SOAT1: variants seen among roughly 807,000 people sequenced by gnomAD.
SOAT1 encodes the protein acyl-coenzyme A:cholesterol acyltransferase 1.
Under a neutral mutation model 69.5 loss-of-function variants are expected in SOAT1, and 55 were observed. That is an observed-to-expected ratio of 0.79 (90% CI 0.64 to 0.99). The LOEUF (loss-of-function observed/expected upper bound fraction) is 0.99, where lower values mean the gene tolerates loss of function less well. SOAT1 is among the 50% of genes least tolerant of loss of function. The pLI, the probability that SOAT1 is intolerant of heterozygous loss-of-function variation, is 0.00. For missense variants in SOAT1, 580 were observed against 669.3 expected, an observed-to-expected ratio of 0.87 and a Z score of 1.47; for synonymous variants, 231 against 224.7, an observed-to-expected ratio of 1.03 and a Z score of -0.25.
At chr1:179,349,484 C>T (rs959054821) in intron 13 of SOAT1, among the ~76,000 whole-genome samples, 9 of 151,882 alleles carry the variant, frequency 5.9e-5, no homozygotes, top group African/African-American at 1.9e-4. Context: ...TGCACCACCA[C>T]GCCCAGCTAA....
At chr1:179,303,708 T>C (rs906098624) in intron 2 of SOAT1, among the ~76,000 whole-genome samples, 19 of 152,232 alleles carry the variant, frequency 1.2e-4, no homozygotes, top group African/African-American at 4.3e-4. Context: ...GTTAGCTATA[T>C]ATGACATATT....
chr1:179,302,389 A>G (rs1432763601), intron 1 of SOAT1, among the ~76,000 whole-genome samples: 1 of 152,184 alleles, frequency 6.6e-6, no homozygotes, highest in Non-Finnish European at 1.5e-5. Context: ...TGATTGGATC[A>G]TGGGGGCAGT....
rs183387311 is a variant in SOAT1 at position 179,306,225 on chromosome 1, A to G, written c.118+3423A>G. On this transcript the variant is annotated intron_variant, in intron 2 of 15. Coordinates refer to ENST00000367619, the MANE Select transcript of SOAT1 (RefSeq NM_003101.6). Reference sequence around the variant, plus strand: ...AAGTAAGTAAGAAGATAAGGCTCCAACAGCCTCTCAGTGCCCAGCCAACTG... The same window carrying G: ...AAGTAAGTAAGAAGATAAGGCTCCAGCAGCCTCTCAGTGCCCAGCCAACTG... Among the ~76,000 whole-genome samples the G allele has an allele frequency of 1.3e-3, 195 of 152,312 alleles. 1 individual carries two copies. Among genetic ancestry groups the G allele is most frequent in the African/African-American group, 4.3e-3 (177 of 41,570 alleles).
chr1:179,331,991 T>C lies in SOAT1; in HGVS notation c.178-3515T>C, dbSNP rs560263797. ...AAAACCATTTATGAAGAAATTGTGA[T>C]CAAGGGACCTACTTTTTTTTTGAGA... On this transcript the variant is annotated intron_variant, in intron 3 of 15. Coordinates refer to ENST00000367619, the MANE Select transcript of SOAT1 (RefSeq NM_003101.6). Among the ~76,000 whole-genome samples the C allele has an allele frequency of 1.1e-4, 17 of 152,364 alleles. 1 individual carries two copies. The East Asian group carries it at 3.3e-3, about 29-fold the overall frequency.
Position 179,311,845 on chromosome 1 carries a change from T to G in SOAT1, c.118+9043T>G, listed in dbSNP as rs76656596. Among the ~76,000 whole-genome samples, 1,084 of 152,326 alleles carry G rather than the reference T, an allele frequency of 7.1e-3. 12 individuals are homozygous for G. Among genetic ancestry groups the G allele is most frequent in the African/African-American group, 0.024 (997 of 41,574 alleles). On this transcript the variant is annotated intron_variant, in intron 2 of 15. Transcript: ENST00000367619. ...GAAACATGATTTTTAAAGAACAAAT[T>G]GTCTCTGAATTTAAATGTGGACAAT...
At position 179,322,908 on chromosome 1, in the gene SOAT1, A is replaced by G. The variant is rs183446920; in HGVS notation, c.119-529A>G. On this transcript the variant is annotated intron_variant, in intron 2 of 15. Coordinates refer to ENST00000367619, the MANE Select transcript of SOAT1 (RefSeq NM_003101.6). ...CAGGCCCTAGACTTTGCCATTCTGT[A>G]AAGTATTGTCCTCTGTGTACTATTC... is the stretch of plus-strand genomic sequence containing the variant. Among the ~76,000 whole-genome samples the G allele has an allele frequency of 1.2e-4, 19 of 152,254 alleles. No individual in the cohort carries two copies. In the East Asian group the frequency reaches 3.5e-3, roughly 28 times the overall value.
At position 179,335,529 on chromosome 1, in the gene SOAT1, G is replaced by A. The variant is rs1421148028; in HGVS notation, c.201G>A (p.Lys67=). The change falls in exon 4 of 16, where the codon AAG becomes AAA. Residue 67 remains lysine (K), a synonymous_variant. Transcript: ENST00000367619. ...AGGAATTGAAGCCATTTTTTATGAA[G>A]GAAGTTGGCAGTCACTTTGATGATT... The part of the protein sequence containing the change: ...EAEELKPFFM[K]EVGSHFDDFV... The A allele has an allele frequency of 5.6e-6, 9 of 1,608,726 alleles. No individual in the cohort carries two copies. Among genetic ancestry groups the A allele is most frequent in the Non-Finnish European group, 8.5e-7 (1 of 1,177,602 alleles).
intron 13 of SOAT1, among the ~76,000 whole-genome samples, chr1:179,349,298 T>C (rs182334697): frequency 6.6e-6 from 1 of 151,918 alleles, no homozygotes; most frequent in Non-Finnish European, 1.5e-5. Context: ...GTCTTTTTCA[T>C]TCGTTTTTCA....
At chr1:179,313,907 A>C (rs1433571922) in intron 2 of SOAT1, among the ~76,000 whole-genome samples, 1 of 152,144 alleles carries the variant, frequency 6.6e-6, no homozygotes, top group Non-Finnish European at 1.5e-5. Flanking sequence ...TTATAGGACG[A>C]CACTGATCAG....
intron 1 of SOAT1, among the ~76,000 whole-genome samples, chr1:179,297,210 G>GT (rs1436148812): frequency 1.3e-5 from 2 of 152,164 alleles, no homozygotes; most frequent in African/African-American, 4.8e-5. Context: ...TATGATCACT[G>GT]TTTTCACTTC....
chr1:179,327,206 T>C (rs1665824309), intron 3 of SOAT1, among the ~76,000 whole-genome samples: 1 of 152,220 alleles, frequency 6.6e-6, no homozygotes, highest in Non-Finnish European at 1.5e-5. Flanking sequence ...TATGTGAACA[T>C]TGTTCAGAGC....
intron 2 of SOAT1, among the ~76,000 whole-genome samples, chr1:179,313,608 G>C (rs1665295340): frequency 6.6e-6 from 1 of 151,146 alleles, no homozygotes; most frequent in Non-Finnish European, 1.5e-5. Flanking sequence ...TTTTTAGACA[G>C]AGTTTTGCTT....
intron 10 of SOAT1, among the ~76,000 whole-genome samples, chr1:179,343,915 G>T (rs1421666415): frequency 6.6e-6 from 1 of 152,164 alleles, no homozygotes; most frequent in Non-Finnish European, 1.5e-5. Flanking sequence ...GAGGTCAGGA[G>T]TTCAAGACCA....
chr1:179,313,051 C>T (rs909835907), intron 2 of SOAT1, among the ~76,000 whole-genome samples: 8 of 152,252 alleles, frequency 5.3e-5, no homozygotes, highest in East Asian at 1.9e-4. Flanking sequence ...GGGAAGCAAC[C>T]GGCAGTGTTC....
In SOAT1 at chr1:179,349,012, T is replaced by C. The variant is rs1434932417; in HGVS notation, c.1314+70T>C. The C allele has an allele frequency of 4.3e-5, 36 of 841,648 alleles. No individual in the cohort carries two copies. The East Asian group carries it at 8.0e-4, about 19-fold the overall frequency. The allele number at this position is 841,648 out of a possible 1,614,324, so 52.1% of individuals were successfully genotyped here. A position where few individuals can be genotyped will look rare whatever the true frequency, so the allele number is the denominator to read the frequency against. ...TCTTTTTCAGAAAGTATGAGTATTA[T>C]ACAGCTGGAAGAAGTTATATTTAAT... On this transcript the variant is annotated intron_variant, in intron 13 of 15. Transcript: ENST00000367619.
chr1:179,305,071 A>G (rs1210832656), intron 2 of SOAT1, among the ~76,000 whole-genome samples: 1 of 151,060 alleles, frequency 6.6e-6, no homozygotes, highest in East Asian at 2.0e-4. Flanking sequence ...TAATTTCAAA[A>G]CATTTTTATC....
intron 2 of SOAT1, among the ~76,000 whole-genome samples, chr1:179,308,068 G>A (rs1339837011): frequency 6.6e-6 from 1 of 152,088 alleles, no homozygotes; most frequent in Non-Finnish European, 1.5e-5. Flanking sequence ...GATATTACAG[G>A]CGTGAGCCAC....
At chr1:179,302,913 T>C in intron 2 of SOAT1, 111 bp downstream of exon 2, 1 of 559,458 alleles carries the variant, frequency 1.8e-6, no homozygotes, top group Non-Finnish European at 3.1e-6. Flanking sequence ...TGGGTATTGA[T>C]AGAGTTTTAT....
At chr1:179,306,099 G>A (rs1234293760) in intron 2 of SOAT1, among the ~76,000 whole-genome samples, 1 of 152,166 alleles carries the variant, frequency 6.6e-6, no homozygotes, top group African/African-American at 2.4e-5. Flanking sequence ...TTGTGTGTGT[G>A]GTGTTTTGTT....
Sources: allele counts gnomAD v4.1 joint callset (sites outside exome capture counted in the v4.1 genomes callset), GRCh38; gene constraint gnomAD v4.1.1; transcripts MANE v1.5; gene names NCBI Gene and HGNC (gene_info 2026-07-23, HGNC 2026-07-21).